PRR14L: variants seen among roughly 807,000 people sequenced by gnomAD.
PRR14L encodes the protein protein PRR14L.
A neutral mutation model predicts 155.0 loss-of-function variants in PRR14L; 80 were observed. The ratio of observed to expected loss-of-function variants is 0.52; its 90% confidence interval spans 0.43 to 0.62. The LOEUF (loss-of-function observed/expected upper bound fraction) is 0.62. Ranked by LOEUF, PRR14L falls within the 20% of genes least tolerant of loss-of-function variation. The pLI, the probability that PRR14L is intolerant of heterozygous loss-of-function variation, is 0.00. For synonymous variants in PRR14L, 883 were observed against 916.0 expected (o/e 0.96, Z 0.65); for missense variants, 2,469 against 2,548.0 (o/e 0.97, Z 0.67).
intron 2 of PRR14L, among the ~76,000 whole-genome samples, chr22:31,732,046 T>G (rs939954791): frequency 6.6e-6 from 1 of 152,202 alleles, no homozygotes; most frequent in Admixed American, 6.5e-5. Flanking sequence ...ACCCTTTCTA[T>G]TCCATTTCCA....
In PRR14L at chr22:31,704,827, A is replaced by C. The variant is rs568100483; in HGVS notation, c.5757-101T>G. On this transcript the variant is annotated intron_variant, in intron 4 of 8. Coordinates refer to ENST00000327423, the MANE Select transcript of PRR14L (RefSeq NM_173566.3). The stretch of plus-strand genomic sequence containing the variant: ...GTATTAGCACATGATAGCCCCAAGA[A>C]GACAAGAAATGTCAGTTACTCAGAA... 4 of 774,906 alleles carry C rather than the reference A, an allele frequency of 5.2e-6. No homozygotes were observed. The South Asian group carries it at 6.9e-5, about 13-fold the overall frequency. 48.0% of individuals were successfully genotyped at this position (774,906 alleles called of 1,614,324 possible).
chr22:31,714,211 T>C lies in PRR14L; in HGVS notation c.3628A>G (p.Lys1210Glu), dbSNP rs1410207463. Residue 1210 changes from lysine to glutamate, a missense_variant, in exon 4 of 9, where the codon AAA (lysine) becomes GAA (glutamate). Lys to Glu is a moderately conservative substitution (Grantham distance 56, BLOSUM62 1). Coordinates refer to ENST00000327423, the MANE Select transcript of PRR14L (RefSeq NM_173566.3). ...GAGGAAATTCCAAAGGTACTTTCTT[T>C]GCCAAACTCAGAGTTTGGTTCTAGT... is the stretch of plus-strand genomic sequence containing the variant. The part of the protein sequence containing the change: ...SRLEPNSEFG[K>E]ESTFGISSKE... The C allele has an allele frequency of 2.6e-6, 4 of 1,551,544 alleles. No homozygotes were observed. The highest frequency in any genetic ancestry group is 1.2e-5 in the South Asian group (1 of 84,010).
intron 6 of PRR14L, 135 bp from the exon 7 acceptor site, chr22:31,701,897 T>C: frequency 1.6e-6 from 1 of 633,120 alleles, no homozygotes; most frequent in South Asian, 2.2e-5. Flanking sequence ...AGCCTTGAAT[T>C]CCTGGACTCA....
chr22:31,701,326 T>C (rs1237886175), intron 7 of PRR14L, among the ~76,000 whole-genome samples: 4 of 152,180 alleles, frequency 2.6e-5, no homozygotes. Context: ...TTAGGACTTT[T>C]AGGTCCTTTT....
chr22:31,725,633 T>C (rs2085881553), intron 2 of PRR14L, 23 bp from the exon 3 acceptor site: 3 of 1,415,250 alleles, frequency 2.1e-6, no homozygotes, highest in South Asian at 1.2e-5. Context: ...AATCCAGTGG[T>C]CAAGGGGGAT....
chr22:31,693,717 A>C (rs974453049), intron 7 of PRR14L, among the ~76,000 whole-genome samples: 4 of 152,186 alleles, frequency 2.6e-5, no homozygotes, highest in Middle Eastern at 3.4e-3. Flanking sequence ...GTTGCTCCAC[A>C]TCCTCATTCA....
At chr22:31,685,893 A>T in intron 8 of PRR14L, 90 bp from the exon 9 acceptor site, 2 of 1,188,898 alleles carry the variant, frequency 1.7e-6, no homozygotes, top group South Asian at 1.5e-5. Flanking sequence ...TGGGTCAACA[A>T]CCCTTCTAGT....
chr22:31,722,375 A>C (rs2074694962), intron 3 of PRR14L, among the ~76,000 whole-genome samples: 1 of 151,250 alleles, frequency 6.6e-6, no homozygotes, highest in Admixed American at 6.6e-5. Context: ...GGTTGCAGTA[A>C]GCCAAGATCG....
At chr22:31,690,512 T>G (rs1372480401) in intron 7 of PRR14L, among the ~76,000 whole-genome samples, 1 of 152,110 alleles carries the variant, frequency 6.6e-6, no homozygotes, top group African/African-American at 2.4e-5. Flanking sequence ...AAAGACAGCA[T>G]CTCGCTCTCT....
chr22:31,742,643 G>A (rs1387960398), intron 1 of PRR14L, among the ~76,000 whole-genome samples: 1 of 152,042 alleles, frequency 6.6e-6, no homozygotes, highest in African/African-American at 2.4e-5. Context: ...CTGGGATTAA[G>A]GGTGTGAGCC....
Position 31,733,298 on chromosome 22 carries a change from G to GTTTTTTTT in PRR14L, c.474+5081_474+5088dup, listed in dbSNP as rs1162819822. Among the ~76,000 whole-genome samples, 178 of 64,074 alleles carry GTTTTTTTT rather than the reference G, an allele frequency of 2.8e-3. 10 individuals carry two copies. Among genetic ancestry groups the GTTTTTTTT allele is most frequent in the African/African-American group, 5.3e-3 (71 of 13,522 alleles). The allele number at this position is 64,074 out of a possible 152,430, so 42.0% of individuals were successfully genotyped here. A position where few individuals can be genotyped will look rare whatever the true frequency, so the allele number is the denominator to read the frequency against. ...GTGTGAGCCACCGCGCCTGGCCACT[G>GTTTTTTTT]TTTTTTTTTTTTTTTTTTTTTTTTG... On this transcript the variant is annotated intron_variant, in intron 2 of 8. Transcript: ENST00000327423.
At chr22:31,749,724 C>T (rs934287728) in intron 1 of PRR14L, among the ~76,000 whole-genome samples, 6 of 152,202 alleles carry the variant, frequency 3.9e-5, no homozygotes, top group African/African-American at 1.4e-4. Flanking sequence ...GTTGGGGGAT[C>T]CCTGTTGTAT....
chr22:31,711,338 A>G (rs1475610786), intron 4 of PRR14L, among the ~76,000 whole-genome samples: 1 of 151,986 alleles, frequency 6.6e-6, no homozygotes, highest in Non-Finnish European at 1.5e-5. Context: ...AGGCATGGTG[A>G]CACGTGCCTG....
intron 2 of PRR14L, among the ~76,000 whole-genome samples, chr22:31,732,240 T>C (rs1438887395): frequency 2.0e-5 from 3 of 152,206 alleles, no homozygotes; most frequent in Non-Finnish European, 4.4e-5. Context: ...CTTAACAGCA[T>C]ATCTTAGTTT....
chr22:31,682,940 G>A lies in PRR14L; in HGVS notation c.*2587C>T, dbSNP rs1371871988. The A allele has an allele frequency of 6.6e-6, 1 of 152,204 alleles. No homozygotes were observed. The highest frequency in any genetic ancestry group is 1.5e-5 in the Non-Finnish European group (1 of 68,044). The allele number at this position is 152,204 out of a possible 1,614,324, so 9.4% of individuals were successfully genotyped here. On this transcript the variant is annotated 3_prime_UTR_variant, in exon 9 of 9. Coordinates refer to ENST00000327423, the MANE Select transcript of PRR14L (RefSeq NM_173566.3). ...AGTGCCGAAACTGAATGTTAAGACA[G>A]GTGTGGCTGAGCGCAGCTGGAGCCT... is the stretch of plus-strand genomic sequence containing the variant.
intron 2 of PRR14L, among the ~76,000 whole-genome samples, chr22:31,730,753 T>C (rs1183191976): frequency 6.6e-6 from 1 of 152,222 alleles, no homozygotes; most frequent in East Asian, 1.9e-4. Context: ...AGATAATTAT[T>C]ATTGTGATGG....
At chr22:31,692,540 A>G (rs111995388) in intron 7 of PRR14L, among the ~76,000 whole-genome samples, 3 of 152,166 alleles carry the variant, frequency 2.0e-5, no homozygotes, top group East Asian at 1.9e-4. Context: ...TTGTTGAACT[A>G]TAAGAGTTCT....
intron 2 of PRR14L, among the ~76,000 whole-genome samples, chr22:31,731,980 A>AG (rs2074753021): frequency 6.6e-6 from 1 of 152,142 alleles, no homozygotes; most frequent in African/African-American, 2.4e-5. Context: ...TTATTTTTCA[A>AG]GTATGAAGTT....
chr22:31,733,878 C>T (rs2074764543), intron 2 of PRR14L, among the ~76,000 whole-genome samples: 2 of 152,020 alleles, frequency 1.3e-5, no homozygotes, highest in African/African-American at 2.4e-5. Flanking sequence ...ACGAGGCTGA[C>T]CATCTCTTAT....
Sources: allele counts gnomAD v4.1 joint callset (sites outside exome capture counted in the v4.1 genomes callset), GRCh38; gene constraint gnomAD v4.1.1; transcripts MANE v1.5; gene names NCBI Gene and HGNC (gene_info 2026-07-23, HGNC 2026-07-21).